The following COQ8B variants were observed in gnomAD, a reference collection of about 807,000 sequenced individuals.
The protein encoded by COQ8B is atypical kinase COQ8B, mitochondrial.
COQ8B carries 44 observed loss-of-function variants against 62.0 expected under a neutral mutation model. The ratio of observed to expected loss-of-function variants is 0.71; its 90% CI spans 0.56 to 0.91. The LOEUF is 0.91. Among genes scored for constraint, COQ8B ranks in the 40% least tolerant of loss-of-function variants. The pLI, the probability that COQ8B is intolerant of heterozygous loss-of-function variation, is 0.00. For missense variants in COQ8B, 649 were observed against 731.6 expected, an observed-to-expected ratio of 0.89 and a Z score of 1.30; for synonymous variants, 252 against 289.9, an observed-to-expected ratio of 0.87 and a Z score of 1.33.
chr19:40,702,566 A>G, intron 10 of COQ8B, 34 bp downstream of exon 10: 1 of 1,602,576 alleles, frequency 6.2e-7, no homozygotes, highest in East Asian at 2.2e-5. Flanking sequence ...CCTGGGAGGG[A>G]GGGAAGGAGG....
chr19:40,697,260 C>T (rs1947358561), intron 12 of COQ8B, among the ~76,000 whole-genome samples: 1 of 151,836 alleles, frequency 6.6e-6, no homozygotes, highest in African/African-American at 2.4e-5. Flanking sequence ...CACAGGTGCA[C>T]CCCACCACAC....
rs755002379 is a variant in COQ8B at position 40,692,218 on chromosome 19, C to T, written c.1452G>A (p.Glu484=). ...LRHRLCPPPE[E]TYALHRKLAG... ...CCAGCTTGCGGTGCAGGGCATAGGT[C>T]TCCTCGGGTGGGGGACACAGCCGGT... The change falls in exon 15 of 15, where the codon GAG becomes GAA. Residue 484 remains glutamate, a synonymous_variant. Coordinates refer to ENST00000324464, the MANE Select transcript of COQ8B (RefSeq NM_024876.4). 1 of 1,605,668 alleles carries T rather than the reference C, an allele frequency of 6.2e-7. No individual in the cohort carries two copies. The highest frequency in any genetic ancestry group is 1.7e-5 in the Admixed American group (1 of 58,816).
At position 40,714,540 on chromosome 19, in the gene COQ8B, G is replaced by A. The variant is rs781592036; in HGVS notation, c.93C>T (p.Pro31=). ...CTCCCTAGCCTCTTACCCAGCGGTG[G>A]GGCCCAGGCCCCAGGGCCCCACAAG... ...GWPCGALGPG[P]HRWGPCGGSW... The change falls in exon 2 of 15, where the codon CCC becomes CCT. Residue 31 remains proline, a synonymous_variant. Transcript: ENST00000324464. The A allele has an allele frequency of 9.9e-6, 16 of 1,613,650 alleles. No individual in the cohort carries two copies. The highest frequency in any genetic ancestry group is 2.2e-5 in the South Asian group (2 of 91,044).
chr19:40,714,850 C>G (rs1599642097), intron 1 of COQ8B: 1 of 1,340,792 alleles, frequency 7.5e-7, no homozygotes, highest in East Asian at 3.1e-5. Flanking sequence ...CCCCCTCTCC[C>G]AACCCTCGCC....
At chr19:40,708,946 G>GA (rs2082120721) in intron 5 of COQ8B, among the ~76,000 whole-genome samples, 1 of 150,468 alleles carries the variant, frequency 6.6e-6, no homozygotes, top group Non-Finnish European at 1.5e-5. Flanking sequence ...AAAAAAGACA[G>GA]AAAAAAATCC....
At chr19:40,701,235 G>A (rs900301663) in intron 10 of COQ8B, 1 of 152,258 alleles carries the variant, frequency 6.6e-6, no homozygotes, top group Non-Finnish European at 1.5e-5. Context: ...AGGCTGAGGT[G>A]GGAAAATCAC....
intron 10 of COQ8B, among the ~76,000 whole-genome samples, chr19:40,701,908 T>C (rs977802094): frequency 2.0e-5 from 3 of 152,236 alleles, no homozygotes; most frequent in Non-Finnish European, 2.9e-5. Context: ...ATCAGGATGC[T>C]TCCAAGATAT....
At chr19:40,697,874 A>AGAGT (rs1568437841) in intron 12 of COQ8B, among the ~76,000 whole-genome samples, 1 of 97,004 alleles carries the variant, frequency 1.0e-5, no homozygotes, top group African/African-American at 3.7e-5. Flanking sequence ...AGAGAGAGAG[A>AGAGT]GAGTTTCTAC....
intron 5 of COQ8B, among the ~76,000 whole-genome samples, chr19:40,705,700 G>A (rs931068773): frequency 6.6e-6 from 1 of 152,180 alleles, no homozygotes; most frequent in Non-Finnish European, 1.5e-5. Flanking sequence ...TCCCAACACT[G>A]GGAGGTCAAT....
chr19:40,709,005 C>T, intron 5 of COQ8B, among the ~76,000 whole-genome samples: 1 of 151,968 alleles, frequency 6.6e-6, no homozygotes, highest in East Asian at 1.9e-4. Context: ...CACACCCGCA[C>T]ACCCTCCACC....
At position 40,700,338 on chromosome 19, in the gene COQ8B, T is replaced by G. The variant is rs766354722; in HGVS notation, c.1007A>C (p.Gln336Pro). 1 of 1,614,158 alleles carries G rather than the reference T, an allele frequency of 6.2e-7. No homozygotes were observed. The highest frequency in any genetic ancestry group is 8.5e-7 in the Non-Finnish European group (1 of 1,180,024). Residue 336 changes from glutamine to proline, a missense_variant, in exon 11 of 15, where the codon CAG (glutamine) becomes CCG (proline). Gln to Pro is a moderately conservative substitution (Grantham distance 76). Transcript: ENST00000324464. ...LAGGVPLDQC[Q>P]GLSQDLRNQI... ...GTTCCGCAGGTCCTGGCTTAGGCCC[T>G]GGCACTGGTCCAGGGGGACCCCTCC...
intron 9 of COQ8B, 157 bp downstream of exon 9, chr19:40,703,383 TG>T: frequency 1.4e-6 from 1 of 734,296 alleles, no homozygotes. Context: ...TCATGCTCCC[TG>T]GGCTCTCCCC....
intron 12 of COQ8B, among the ~76,000 whole-genome samples, chr19:40,697,406 AC>A (rs1361968733): frequency 2.0e-5 from 3 of 152,098 alleles, no homozygotes; most frequent in Non-Finnish European, 4.4e-5. Flanking sequence ...GAGTCATCTC[AC>A]CTGGCCTGTT....
chr19:40,713,720 G>GA (rs747066002), intron 4 of COQ8B, among the ~76,000 whole-genome samples: 212 of 116,292 alleles, frequency 1.8e-3, no homozygotes, highest in Middle Eastern at 4.5e-3. Context: ...TGTCTCAAAG[G>GA]AAAAAAAAAA....
At chr19:40,710,178 G>A (rs1599637423) in intron 4 of COQ8B, 42 bp from the exon 5 acceptor site, 1 of 1,590,932 alleles carries the variant, frequency 6.3e-7, no homozygotes, top group Non-Finnish European at 8.6e-7. Context: ...TTTGCCTGGG[G>A]TGCCCCCAGC....
At chr19:40,700,709 T>C in intron 10 of COQ8B, 1 of 478,964 alleles carries the variant, frequency 2.1e-6, no homozygotes, top group East Asian at 3.3e-5. Context: ...ACCACTTCCC[T>C]ACCCGAAACC....
chr19:40,708,733 G>GC (rs2082119107), intron 5 of COQ8B, among the ~76,000 whole-genome samples: 1 of 152,118 alleles, frequency 6.6e-6, no homozygotes, highest in Admixed American at 6.6e-5. Context: ...TTCCAGACCG[G>GC]CCTGGGCAAC....
chr19:40,715,673 C>T, intron 1 of COQ8B: 1 of 942,070 alleles, frequency 1.1e-6, no homozygotes, highest in Non-Finnish European at 1.3e-6. Flanking sequence ...TCTCTGTTCC[C>T]TCACACACCC....
chr19:40,705,431 C>T lies in COQ8B; in HGVS notation c.384G>A (p.Leu128=). The T allele has an allele frequency of 7.0e-6, 11 of 1,575,680 alleles. No homozygotes were observed. Among genetic ancestry groups the T allele is most frequent in the Non-Finnish European group, 8.7e-6 (10 of 1,155,398 alleles). ...CCTCCGACAGGAAGGGGCTGGAGTC[C>T]AGCCCAGAACCACCCTCTGGGGAGA... The part of the protein sequence containing the change: ...GRLQSEGGSG[L]DSSPFLSEAN... Residue 128 remains leucine, a synonymous_variant, in exon 6 of 15, where the codon CTG becomes CTA. Transcript: ENST00000324464.
Sources: gnomAD v4.1 joint callset for allele counts (sites outside exome capture counted in the v4.1 genomes callset) on GRCh38, gnomAD v4.1.1 for gene constraint, MANE v1.5 for transcripts, NCBI Gene and HGNC (gene_info 2026-07-23, HGNC 2026-07-21) for gene names.